PCDH7: variants seen among roughly 807,000 people sequenced by gnomAD.
The protein encoded by PCDH7 is protocadherin-7.
A neutral mutation model predicts 58.9 loss-of-function variants in PCDH7; 17 were observed. The ratio of observed to expected loss-of-function variants is 0.29; its 90% CI spans 0.20 to 0.43. The LOEUF is 0.43. Among genes scored for constraint, PCDH7 ranks in the 20% least tolerant of loss-of-function variants. The pLI is 1.00. For missense variants in PCDH7, 1,274 were observed against 1,441.0 expected, an observed-to-expected ratio of 0.88 and a Z score of 1.88; for synonymous variants, 664 against 616.4, an observed-to-expected ratio of 1.08 and a Z score of -1.14.
At chr4:31,063,176 A>T (rs1757822275) in intron 3 of PCDH7, among the ~76,000 whole-genome samples, 1 of 151,888 alleles carries the variant, frequency 6.6e-6, no homozygotes, top group Non-Finnish European at 1.5e-5. Flanking sequence ...TTAATCAGTT[A>T]ACTCACTCAT....
intron 3 of PCDH7, among the ~76,000 whole-genome samples, chr4:31,072,654 G>A (rs567593863): frequency 7.2e-5 from 11 of 152,152 alleles, no homozygotes; most frequent in East Asian, 3.9e-4. Flanking sequence ...CCAGAAGTCC[G>A]AGAACGTTTC....
intron 3 of PCDH7, among the ~76,000 whole-genome samples, chr4:30,969,719 A>G (rs1749387424): frequency 6.6e-6 from 1 of 152,182 alleles, no homozygotes; most frequent in Non-Finnish European, 1.5e-5. Flanking sequence ...ATCTAAACAT[A>G]TGACTTTAAA....
intron 3 of PCDH7, among the ~76,000 whole-genome samples, chr4:31,024,744 T>C (rs1754291678): frequency 6.6e-6 from 1 of 152,110 alleles, no homozygotes; most frequent in Non-Finnish European, 1.5e-5. Context: ...TCTGTGACTT[T>C]TTATTTTTAT....
intron 3 of PCDH7, among the ~76,000 whole-genome samples, chr4:31,036,375 A>G (rs763104339): frequency 1.4e-4 from 21 of 151,984 alleles, no homozygotes; most frequent in Non-Finnish European, 2.8e-4. Flanking sequence ...TAGTAGAGAC[A>G]GAGTTTCACC....
At chr4:31,089,960 A>T (rs1454960020) in intron 3 of PCDH7, among the ~76,000 whole-genome samples, 1 of 152,130 alleles carries the variant, frequency 6.6e-6, no homozygotes, top group Non-Finnish European at 1.5e-5. Context: ...GTGGCTTGTC[A>T]GATGTAATTT....
intron 3 of PCDH7, among the ~76,000 whole-genome samples, chr4:30,976,399 C>CTTTTTT (rs370648622): frequency 3.5e-5 from 4 of 113,512 alleles, no homozygotes; most frequent in Non-Finnish European, 3.4e-5. Context: ...CCATAAAATA[C>CTTTTTT]TTTTTTTTTT....
chr4:30,838,517 T>A (rs1730799314), intron 1 of PCDH7, among the ~76,000 whole-genome samples: 1 of 152,094 alleles, frequency 6.6e-6, no homozygotes, highest in African/African-American at 2.4e-5. Flanking sequence ...CCTTTTAAAA[T>A]AAACATAGAC....
At chr4:30,733,450 T>G (rs1198857526), downstream of PCDH7, among the ~76,000 whole-genome samples, 1 of 152,174 alleles carries the variant, frequency 6.6e-6, no homozygotes, top group Non-Finnish European at 1.5e-5. Context: ...TTCGTTTCAT[T>G]TAAAAATTTT....
At chr4:31,007,503 C>G (rs1182885098) in intron 3 of PCDH7, among the ~76,000 whole-genome samples, 2 of 151,576 alleles carry the variant, frequency 1.3e-5, no homozygotes, top group African/African-American at 4.8e-5. Flanking sequence ...TATAAAATAA[C>G]TTATGTCCAG....
intron 1 of PCDH7, among the ~76,000 whole-genome samples, chr4:30,879,749 G>A (rs1233563549): frequency 6.6e-6 from 1 of 152,084 alleles, no homozygotes; most frequent in African/African-American, 2.4e-5. Context: ...TCATACTGAA[G>A]CTGGTTTTGA....
intron 3 of PCDH7, among the ~76,000 whole-genome samples, chr4:31,079,670 C>T (rs1759338674): frequency 6.6e-6 from 1 of 151,700 alleles, no homozygotes; most frequent in African/African-American, 2.4e-5. Flanking sequence ...TAATCACATC[C>T]CATAACACAT....
chr4:31,098,030 G>A (rs898541018), intron 3 of PCDH7, among the ~76,000 whole-genome samples: 1 of 151,992 alleles, frequency 6.6e-6, no homozygotes, highest in East Asian at 1.9e-4. Flanking sequence ...AAAGTATTTG[G>A]GTGCAGCACT....
intron 3 of PCDH7, among the ~76,000 whole-genome samples, chr4:31,020,048 A>C (rs1019314805): frequency 1.3e-5 from 2 of 152,196 alleles, no homozygotes; most frequent in African/African-American, 4.8e-5. Flanking sequence ...GAAAAAATAG[A>C]AAAGTAAATG....
chr4:30,979,411 C>T (rs1174660553), intron 3 of PCDH7, among the ~76,000 whole-genome samples: 2 of 151,624 alleles, frequency 1.3e-5, no homozygotes, highest in Non-Finnish European at 2.9e-5. Flanking sequence ...TTTATTTAAT[C>T]CTTTTGCCAA....
intron 1 of PCDH7, among the ~76,000 whole-genome samples, chr4:30,791,656 C>T (rs577805772): frequency 6.6e-6 from 1 of 152,266 alleles, no homozygotes; most frequent in African/African-American, 2.4e-5. Flanking sequence ...TCAGCAGATA[C>T]AAGTTCTCCA....
intron 1 of PCDH7, among the ~76,000 whole-genome samples, chr4:30,876,958 A>G (rs767221853): frequency 1.3e-5 from 2 of 151,908 alleles, no homozygotes; most frequent in Non-Finnish European, 2.9e-5. Flanking sequence ...CCCTGTGTCC[A>G]TGTGTTCTCA....
intron 1 of PCDH7, among the ~76,000 whole-genome samples, chr4:30,865,326 T>A (rs1453807077): frequency 2.0e-5 from 3 of 151,840 alleles, no homozygotes; most frequent in African/African-American, 7.3e-5. Context: ...TTCAGGAGAG[T>A]GATCGATATT....
At chr4:30,729,499 A>T (rs987099414) in intron 1 of PCDH7, among the ~76,000 whole-genome samples, 3 of 152,046 alleles carry the variant, frequency 2.0e-5, no homozygotes, top group Admixed American at 2.0e-4. Flanking sequence ...GCATCTTAAC[A>T]TGGTTAAGAA....
intron 1 of PCDH7, among the ~76,000 whole-genome samples, chr4:30,727,691 T>C (rs1220557145): frequency 2.6e-5 from 4 of 151,962 alleles, no homozygotes; most frequent in African/African-American, 9.7e-5. Context: ...TAAACTTTTG[T>C]GAACTAGAAG....
Sources: gnomAD v4.1 joint callset for allele counts (sites outside exome capture counted in the v4.1 genomes callset) on GRCh38, gnomAD v4.1.1 for gene constraint, MANE v1.5 for transcripts, NCBI Gene and HGNC (gene_info 2026-07-23, HGNC 2026-07-21) for gene names.